The following INSC variants were observed in gnomAD, a reference collection of about 807,000 sequenced individuals.
The protein encoded by INSC is INSC spindle orientation adaptor protein, also known as protein inscuteable homolog.
A neutral mutation model predicts 58.6 loss-of-function variants in INSC; 67 were observed. That is an observed-to-expected ratio of 1.14 (90% CI 0.94 to 1.40). INSC has a LOEUF of 1.40. Ranked by LOEUF, INSC falls within the 40% of genes most tolerant of loss-of-function variation. The pLI is 0.00. For missense variants in INSC, 714 were observed against 692.0 expected, an observed-to-expected ratio of 1.03 and a Z score of -0.36; for synonymous variants, 262 against 276.1, an observed-to-expected ratio of 0.95 and a Z score of 0.51.
At chr11:15,155,529 C>G (rs1433076661) in intron 2 of INSC, among the ~76,000 whole-genome samples, 1 of 152,168 alleles carries the variant, frequency 6.6e-6, no homozygotes, top group Admixed American at 6.5e-5. Flanking sequence ...ATAAACGATC[C>G]TGCCCTCATG....
intron 2 of INSC, among the ~76,000 whole-genome samples, chr11:15,173,525 A>G (rs1849472356): frequency 6.6e-6 from 1 of 152,182 alleles, no homozygotes; most frequent in African/African-American, 2.4e-5. Flanking sequence ...AAAATTAAAT[A>G]TGATTTCATA....
At chr11:15,233,301 C>T (rs1851994001) in intron 9 of INSC, among the ~76,000 whole-genome samples, 1 of 152,154 alleles carries the variant, frequency 6.6e-6, no homozygotes, top group African/African-American at 2.4e-5. Context: ...AACTGTCTGC[C>T]TGGCTCCTGC....
At chr11:15,213,870 A>G (rs1340888702) in intron 7 of INSC, among the ~76,000 whole-genome samples, 3 of 152,244 alleles carry the variant, frequency 2.0e-5, no homozygotes, top group Non-Finnish European at 4.4e-5. Context: ...GAGGAGGATA[A>G]TATTATCATC....
chr11:15,252,803 T>C, the INSC span, among the ~76,000 whole-genome samples: 111 of 152,306 alleles, frequency 7.3e-4, 1 homozygote, highest in Admixed American at 7.2e-4. Context: ...AACCACCACA[T>C]TGATTATATT....
chr11:15,245,906 C>T lies in INSC; in HGVS notation c.1471-6C>T. 1 of 1,613,690 alleles carries T rather than the reference C, an allele frequency of 6.2e-7. No individual in the cohort carries two copies. Among genetic ancestry groups the T allele is most frequent in the Non-Finnish European group, 8.5e-7 (1 of 1,179,670 alleles). On this transcript the variant is annotated splice_polypyrimidine_tract_variant and splice_region_variant and intron_variant, in intron 12 of 12. Transcript: ENST00000379556. ...ACACGTGTCACCTCTTCTGTCTTCT[C>T]CCCAGGCTGCTCTGCGTAGATTGGC... is the stretch of plus-strand genomic sequence containing the variant.
the INSC span, among the ~76,000 whole-genome samples, chr11:15,260,462 G>T: frequency 6.6e-6 from 1 of 152,092 alleles, no homozygotes; most frequent in Non-Finnish European, 1.5e-5. Context: ...ATCTCAGTCA[G>T]CCACTTACTA....
intron 7 of INSC, among the ~76,000 whole-genome samples, chr11:15,206,014 C>T (rs369957107): frequency 6.6e-6 from 1 of 152,322 alleles, no homozygotes; most frequent in South Asian, 2.1e-4. Context: ...TCAGAGCTGT[C>T]ACGTGGAGGT....
chr11:15,137,034 A>G (rs528875945), intron 1 of INSC, among the ~76,000 whole-genome samples: 124 of 152,342 alleles, frequency 8.1e-4, no homozygotes, highest in African/African-American at 2.8e-3. Context: ...TGGGCTGCAG[A>G]ATAGATGTTA....
chr11:15,125,964 G>A (rs183373735), intron 1 of INSC, among the ~76,000 whole-genome samples: 1 of 152,212 alleles, frequency 6.6e-6, no homozygotes, highest in Non-Finnish European at 1.5e-5. Flanking sequence ...AAGAATAACG[G>A]GAAAGTTGCT....
chr11:15,248,896 AC>A (rs1852620747), downstream of INSC, among the ~76,000 whole-genome samples: 1 of 152,190 alleles, frequency 6.6e-6, no homozygotes, highest in Admixed American at 6.5e-5. Context: ...ATGCTGAGTC[AC>A]CCAGAGACTA....
intron 1 of INSC, among the ~76,000 whole-genome samples, chr11:15,117,943 C>T (rs1847772612): frequency 6.6e-6 from 1 of 152,208 alleles, no homozygotes; most frequent in African/African-American, 2.4e-5. Flanking sequence ...AGTGTTTCAG[C>T]TGCCAGCTCT....
intron 5 of INSC, chr11:15,188,259 C>T (rs1257055606): frequency 2.0e-6 from 2 of 985,340 alleles, no homozygotes; most frequent in African/African-American, 3.5e-5. Flanking sequence ...TGGAGACCCA[C>T]TCTCCTATTT....
At chr11:15,157,999 C>A (rs1478562317) in intron 2 of INSC, among the ~76,000 whole-genome samples, 1 of 152,146 alleles carries the variant, frequency 6.6e-6, no homozygotes, top group East Asian at 1.9e-4. Flanking sequence ...TCAGGAGAAA[C>A]CAGGGGAGTC....
chr11:15,200,022 T>A (rs1850517392), intron 6 of INSC, among the ~76,000 whole-genome samples: 1 of 152,180 alleles, frequency 6.6e-6, no homozygotes, highest in Non-Finnish European at 1.5e-5. Flanking sequence ...CAATGAGCTC[T>A]GCACTCCCAG....
chr11:15,251,555 A>C (rs1852649656), downstream of INSC, among the ~76,000 whole-genome samples: 1 of 152,252 alleles, frequency 6.6e-6, no homozygotes, highest in African/African-American at 2.4e-5. Context: ...ATAATTAAAC[A>C]ATAAAAACAC....
chr11:15,256,731 A>T, the INSC span, among the ~76,000 whole-genome samples: 1 of 151,980 alleles, frequency 6.6e-6, no homozygotes, highest in South Asian at 2.1e-4. Flanking sequence ...CTCATGATCC[A>T]CCCACTTCGG....
chr11:15,261,594 A>G, the INSC span, among the ~76,000 whole-genome samples: 1 of 152,316 alleles, frequency 6.6e-6, no homozygotes, highest in Middle Eastern at 3.4e-3. Context: ...GTTAGGTGGT[A>G]ACTACTAAGT....
At chr11:15,190,154 A>G (rs544633874) in intron 5 of INSC, among the ~76,000 whole-genome samples, 34 of 152,262 alleles carry the variant, frequency 2.2e-4, no homozygotes, top group African/African-American at 7.5e-4. Context: ...ACAAGCAGCA[A>G]GCTATTGGGG....
chr11:15,225,441 G>A (rs1485958852), intron 8 of INSC, among the ~76,000 whole-genome samples: 1 of 152,156 alleles, frequency 6.6e-6, no homozygotes, highest in Non-Finnish European at 1.5e-5. Context: ...ATGAAGGAGT[G>A]AGTAGAATTA....
Sources: allele counts gnomAD v4.1 joint callset (sites outside exome capture counted in the v4.1 genomes callset), GRCh38; gene constraint gnomAD v4.1.1; transcripts MANE v1.5; gene names NCBI Gene and HGNC (gene_info 2026-07-23, HGNC 2026-07-21).